The following CREB5 variants were observed in gnomAD, a reference collection of about 807,000 sequenced individuals.
The protein encoded by CREB5 is cAMP responsive element binding protein 5, also known as cyclic AMP-responsive element-binding protein 5.
A neutral mutation model predicts 57.1 loss-of-function variants in CREB5; 19 were observed. The ratio of observed to expected loss-of-function variants is 0.33; its 90% CI spans 0.23 to 0.49. The LOEUF (loss-of-function observed/expected upper bound fraction) is 0.49, where lower values mean the gene tolerates loss of function less well. CREB5 is among the 20% of genes least tolerant of loss of function. CREB5 has a pLI of 0.99. For missense variants in CREB5, 579 were observed against 671.6 expected (o/e 0.86, Z 1.52); for synonymous variants, 238 against 238.3 (o/e 1.00, Z 0.01).
At chr7:28,376,556 C>T (rs994950976) in intron 1 of CREB5, among the ~76,000 whole-genome samples, 1 of 152,182 alleles carries the variant, frequency 6.6e-6, no homozygotes, top group African/African-American at 2.4e-5. Context: ...AGGCACGAGC[C>T]ACCGCACCTG....
chr7:28,542,165 A>G (rs1291832498), intron 4 of CREB5, among the ~76,000 whole-genome samples: 4 of 152,210 alleles, frequency 2.6e-5, no homozygotes, highest in Non-Finnish European at 4.4e-5. Flanking sequence ...ACAACTACCG[A>G]AGAGTAAGTT....
intron 1 of CREB5, among the ~76,000 whole-genome samples, chr7:28,318,988 C>T (rs1041503340): frequency 1.4e-4 from 22 of 152,114 alleles, no homozygotes; most frequent in African/African-American, 4.6e-4. Context: ...TCAAGCAATT[C>T]GACTAAAGGA....
intron 1 of CREB5, among the ~76,000 whole-genome samples, chr7:28,321,396 A>T (rs1207903980): frequency 6.6e-6 from 1 of 152,164 alleles, no homozygotes; most frequent in East Asian, 1.9e-4. Context: ...TTGTCCAAAA[A>T]TCAGGGGGAA....
intron 5 of CREB5, among the ~76,000 whole-genome samples, chr7:28,713,874 A>G (rs1178491283): frequency 6.6e-6 from 1 of 151,982 alleles, no homozygotes; most frequent in East Asian, 1.9e-4. Context: ...TTTGTTTTTT[A>G]ATTCTGTTCT....
intron 1 of CREB5, among the ~76,000 whole-genome samples, chr7:28,370,937 C>A (rs867177765): frequency 6.6e-6 from 1 of 152,192 alleles, no homozygotes; most frequent in African/African-American, 2.4e-5. Flanking sequence ...AAACCAAAAC[C>A]TCTGAGGAAG....
intron 7 of CREB5, among the ~76,000 whole-genome samples, chr7:28,754,736 C>T (rs1805193982): frequency 6.6e-6 from 1 of 151,830 alleles, no homozygotes. Flanking sequence ...TCTTTTTTTT[C>T]CCCCAATAAG....
At chr7:28,383,143 G>A (rs1282217158) in intron 1 of CREB5, among the ~76,000 whole-genome samples, 1 of 152,176 alleles carries the variant, frequency 6.6e-6, no homozygotes, top group African/African-American at 2.4e-5. Context: ...AGAGACCAAT[G>A]AGCATGCCAG....
At chr7:28,546,284 A>C (rs1794421071) in intron 4 of CREB5, among the ~76,000 whole-genome samples, 1 of 152,244 alleles carries the variant, frequency 6.6e-6, no homozygotes, top group Non-Finnish European at 1.5e-5. Flanking sequence ...TTGTTTATCC[A>C]TTCCTCAATA....
chr7:28,702,884 G>A (rs769661508), intron 5 of CREB5, among the ~76,000 whole-genome samples: 7 of 152,128 alleles, frequency 4.6e-5, no homozygotes, highest in Non-Finnish European at 8.8e-5. Flanking sequence ...AAGAGCAGAC[G>A]GCAAAACCTT....
intron 5 of CREB5, among the ~76,000 whole-genome samples, chr7:28,698,940 G>C (rs1801708873): frequency 6.6e-6 from 1 of 152,136 alleles, no homozygotes; most frequent in Non-Finnish European, 1.5e-5. Flanking sequence ...TACTAGCTAT[G>C]CCTTTTACAG....
intron 5 of CREB5, among the ~76,000 whole-genome samples, chr7:28,635,622 C>G (rs923638494): frequency 4.6e-5 from 7 of 152,214 alleles, no homozygotes; most frequent in Admixed American, 6.5e-5. Context: ...TCAGTCAACA[C>G]TATTCTTTCT....
intron 5 of CREB5, among the ~76,000 whole-genome samples, chr7:28,700,654 G>A (rs1249792406): frequency 6.6e-6 from 1 of 152,172 alleles, no homozygotes; most frequent in African/African-American, 2.4e-5. Flanking sequence ...GAAAAGTGAG[G>A]AGTAAAACGC....
intron 5 of CREB5, among the ~76,000 whole-genome samples, chr7:28,714,235 A>T (rs372640636): frequency 1.3e-5 from 2 of 152,074 alleles, no homozygotes; most frequent in Admixed American, 6.6e-5. Flanking sequence ...AAAGTTCTGG[A>T]TGATAGGCAT....
chr7:28,645,367 TC>T (rs2128703518), intron 5 of CREB5, among the ~76,000 whole-genome samples: 1 of 152,278 alleles, frequency 6.6e-6, no homozygotes, highest in African/African-American at 2.4e-5. Context: ...TGATTTTACC[TC>T]CTTTTTGAAA....
intron 4 of CREB5, among the ~76,000 whole-genome samples, chr7:28,569,085 C>T (rs542458502): frequency 6.2e-4 from 95 of 152,180 alleles, no homozygotes; most frequent in Non-Finnish European, 1.1e-3. Flanking sequence ...TATCTTGCCA[C>T]TTATAAAGAC....
chr7:28,429,523 A>G (rs769295817), intron 1 of CREB5, among the ~76,000 whole-genome samples: 1 of 152,162 alleles, frequency 6.6e-6, no homozygotes, highest in Non-Finnish European at 1.5e-5. Flanking sequence ...TGGTAAGAGG[A>G]AGCATCCTTA....
chr7:28,811,167 T>G (rs908882979), intron 9 of CREB5, among the ~76,000 whole-genome samples: 1 of 152,198 alleles, frequency 6.6e-6, no homozygotes, highest in Non-Finnish European at 1.5e-5. Context: ...TGGGTTCCCC[T>G]GTTTATAGTA....
intron 7 of CREB5, among the ~76,000 whole-genome samples, chr7:28,787,691 A>G (rs978812332): frequency 6.6e-6 from 1 of 152,168 alleles, no homozygotes; most frequent in South Asian, 2.1e-4. Context: ...AGTAGCTTGG[A>G]CTACAGGCAT....
intron 5 of CREB5, among the ~76,000 whole-genome samples, chr7:28,692,392 T>C (rs1348308180): frequency 1.3e-5 from 2 of 151,390 alleles, no homozygotes; most frequent in South Asian, 2.1e-4. Flanking sequence ...AGGTCGGGAG[T>C]TCAAGACCAG....
Sources: allele counts gnomAD v4.1 joint callset (sites outside exome capture counted in the v4.1 genomes callset), GRCh38; gene constraint gnomAD v4.1.1; transcripts MANE v1.5; gene names NCBI Gene and HGNC (gene_info 2026-07-23, HGNC 2026-07-21).